GRID2: variants seen among roughly 807,000 people sequenced by gnomAD.
GRID2 encodes the protein glutamate ionotropic receptor delta type subunit 2.
Under a neutral mutation model 114.8 loss-of-function variants are expected in GRID2, and 33 were observed. That is an observed-to-expected ratio of 0.29 (90% CI 0.22 to 0.38). The LOEUF (loss-of-function observed/expected upper bound fraction) is 0.38. GRID2 is among the 10% of genes least tolerant of loss of function. The pLI is 1.00. For synonymous variants in GRID2, 505 were observed against 449.9 expected, an observed-to-expected ratio of 1.12 and a Z score of -1.55; for missense variants, 1,184 against 1,257.7, an observed-to-expected ratio of 0.94 and a Z score of 0.89.
At chr4:93,118,863 CA>C (rs1733523508) in intron 4 of GRID2, among the ~76,000 whole-genome samples, 1 of 152,128 alleles carries the variant, frequency 6.6e-6, no homozygotes, top group South Asian at 2.1e-4. Context: ...AGGGGAATAG[CA>C]GAACTTTCAA....
chr4:93,444,849 TAGAAA>T (rs1169984028), intron 10 of GRID2, among the ~76,000 whole-genome samples: 1 of 152,018 alleles, frequency 6.6e-6, no homozygotes, highest in Non-Finnish European at 1.5e-5. Flanking sequence ...TATGTAAAAA[TAGAAA>T]AGAGTCTAAA....
chr4:93,399,611 A>G (rs1765683622), intron 9 of GRID2, among the ~76,000 whole-genome samples: 2 of 152,102 alleles, frequency 1.3e-5, no homozygotes, highest in African/African-American at 2.4e-5. Context: ...TTATTACTAG[A>G]CAAAGCAATA....
At chr4:93,377,201 G>T (rs1763458750) in intron 8 of GRID2, among the ~76,000 whole-genome samples, 1 of 152,014 alleles carries the variant, frequency 6.6e-6, no homozygotes, top group African/African-American at 2.4e-5. Flanking sequence ...GTTTCAGTAG[G>T]ATGATGAATA....
intron 1 of GRID2, among the ~76,000 whole-genome samples, chr4:92,328,196 C>T (rs1304834509): frequency 6.6e-6 from 1 of 151,952 alleles, no homozygotes; most frequent in Admixed American, 6.6e-5. Context: ...TAGGTCTCTG[C>T]TGGAACAGGA....
chr4:93,756,766 T>C (rs1732786329), intron 14 of GRID2, among the ~76,000 whole-genome samples: 1 of 152,212 alleles, frequency 6.6e-6, no homozygotes, highest in South Asian at 2.1e-4. Context: ...TTGAGTGCTT[T>C]TGTTTTTTAC....
Position 92,523,765 on chromosome 4 carries a change from G to C in GRID2, c.89-66366G>C, listed in dbSNP as rs552378185. 5.3e-5 allele frequency among the ~76,000 whole-genome samples: 8 copies of C among 151,964 alleles called. No homozygotes were observed. In the East Asian group the frequency reaches 1.2e-3, roughly 22 times the overall value. On this transcript the variant is annotated intron_variant, in intron 1 of 15. Transcript: ENST00000282020. ...AGGACACAGAAGTGGGCTGTGTACA[G>C]AGTCAGGTGACAACAGGGGCTCAGA...
intron 8 of GRID2, among the ~76,000 whole-genome samples, chr4:93,300,150 G>A (rs1453667457): frequency 6.6e-6 from 1 of 151,880 alleles, no homozygotes; most frequent in Non-Finnish European, 1.5e-5. Context: ...TCCTTATGTT[G>A]CCCAGACTGG....
chr4:93,675,690 A>G (rs1453615388), intron 14 of GRID2, among the ~76,000 whole-genome samples: 1 of 152,248 alleles, frequency 6.6e-6, no homozygotes, highest in Non-Finnish European at 1.5e-5. Flanking sequence ...ACTATCTCTT[A>G]AGAGCAGTGA....
At chr4:93,392,513 G>T (rs1008267893) in intron 8 of GRID2, among the ~76,000 whole-genome samples, 1 of 152,024 alleles carries the variant, frequency 6.6e-6, no homozygotes, top group African/African-American at 2.4e-5. Context: ...ATTTTAAAAA[G>T]TTATTATAAT....
chr4:92,995,990 C>T (rs1454702469), intron 2 of GRID2, among the ~76,000 whole-genome samples: 1 of 150,758 alleles, frequency 6.6e-6, no homozygotes, highest in South Asian at 2.1e-4. Flanking sequence ...AGAGTTATGT[C>T]ATTAAAACAT....
chr4:93,357,749 G>T (rs1019897081), intron 8 of GRID2, among the ~76,000 whole-genome samples: 2 of 151,584 alleles, frequency 1.3e-5, no homozygotes, highest in African/African-American at 4.8e-5. Context: ...TGATGTAGGT[G>T]TGAAATAGGA....
At chr4:93,345,857 A>G (rs1760174275) in intron 8 of GRID2, among the ~76,000 whole-genome samples, 1 of 152,126 alleles carries the variant, frequency 6.6e-6, no homozygotes. Flanking sequence ...ATTCATCTGC[A>G]TGTGGATATT....
intron 1 of GRID2, among the ~76,000 whole-genome samples, chr4:92,471,049 G>GACAGCAA (rs1722008745): frequency 6.6e-6 from 1 of 151,926 alleles, no homozygotes; most frequent in Admixed American, 6.6e-5. Context: ...TAAATATAAT[G>GACAGCAA]GTGAGGTCAA....
intron 14 of GRID2, among the ~76,000 whole-genome samples, chr4:93,629,178 C>T (rs1448860598): frequency 1.3e-5 from 2 of 148,484 alleles, no homozygotes; most frequent in Non-Finnish European, 3.0e-5. Flanking sequence ...CAGTGCTTTA[C>T]CTATCAGAGA....
intron 2 of GRID2, among the ~76,000 whole-genome samples, chr4:92,963,642 A>G (rs1177312118): frequency 1.3e-5 from 2 of 151,990 alleles, no homozygotes; most frequent in African/African-American, 4.8e-5. Context: ...ACGGTCATTC[A>G]TGAAAGTTGG....
chr4:93,663,366 T>G (rs978391173), intron 14 of GRID2, among the ~76,000 whole-genome samples: 1 of 152,194 alleles, frequency 6.6e-6, no homozygotes, highest in African/African-American at 2.4e-5. Flanking sequence ...CCAAAACCAT[T>G]TGAGAGTCAC....
chr4:93,387,829 CAAAA>C (rs11453782), intron 8 of GRID2, among the ~76,000 whole-genome samples: 3 of 99,066 alleles, frequency 3.0e-5, no homozygotes, highest in Admixed American at 1.2e-4. Flanking sequence ...GACTCTGTCT[CAAAA>C]AAAAAAAAAA....
At chr4:93,375,887 C>A (rs1477195904) in intron 8 of GRID2, among the ~76,000 whole-genome samples, 2 of 152,232 alleles carry the variant, frequency 1.3e-5, no homozygotes, top group East Asian at 3.9e-4. Flanking sequence ...ATTCCACAGA[C>A]CAAGTGGCTG....
intron 1 of GRID2, among the ~76,000 whole-genome samples, chr4:92,417,446 T>C (rs1256497211): frequency 6.6e-6 from 1 of 152,054 alleles, no homozygotes; most frequent in East Asian, 1.9e-4. Context: ...GATTAGCTCA[T>C]AAGGCTCATA....
Sources: allele counts gnomAD v4.1 joint callset (sites outside exome capture counted in the v4.1 genomes callset), GRCh38; gene constraint gnomAD v4.1.1; transcripts MANE v1.5; gene names NCBI Gene and HGNC (gene_info 2026-07-23, HGNC 2026-07-21).